RBBP8NL: variants seen among roughly 807,000 people sequenced by gnomAD.
RBBP8NL encodes RBBP8 N-terminal like, also known as RBBP8 N-terminal-like protein.
In RBBP8NL, 59 loss-of-function variants were observed where a neutral mutation model predicts 62.2. The ratio of observed to expected loss-of-function variants is 0.95; its 90% confidence interval spans 0.77 to 1.18. The LOEUF (loss-of-function observed/expected upper bound fraction) is 1.18. Among genes scored for constraint, RBBP8NL ranks in the 50% most tolerant of loss-of-function variants. RBBP8NL has a pLI of 0.00. For missense variants in RBBP8NL, 896 were observed against 899.5 expected (o/e 1.00, Z 0.05); for synonymous variants, 412 against 394.1 (o/e 1.05, Z -0.54).
At chr20:62,421,261 C>CGT (rs11469557) in intron 1 of RBBP8NL, among the ~76,000 whole-genome samples, 1 of 136,324 alleles carries the variant, frequency 7.3e-6, no homozygotes, top group African/African-American at 2.8e-5. Context: ...ATGTGTGTGC[C>CGT]GTGTGTGTGC....
At chr20:62,419,512 A>G (rs1322382007) in intron 2 of RBBP8NL, 75 bp downstream of exon 2, 4 of 1,480,392 alleles carry the variant, frequency 2.7e-6, no homozygotes, top group Non-Finnish European at 3.8e-6. Flanking sequence ...ATGGGTGCAC[A>G]GTGGCCTGCT....
intron 11 of RBBP8NL, among the ~76,000 whole-genome samples, 173 bp from the exon 12 acceptor site, chr20:62,413,073 C>T (rs982696422): frequency 6.6e-6 from 1 of 152,276 alleles, no homozygotes; most frequent in Non-Finnish European, 1.5e-5. Flanking sequence ...GGTTTGGGCC[C>T]AGGCCTAGTG....
At chr20:62,420,350 GCACACACA>G (rs55946617) in intron 1 of RBBP8NL, among the ~76,000 whole-genome samples, 4,409 of 129,796 alleles carry the variant, frequency 0.034, 185 homozygotes, top group African/African-American at 0.11. Context: ...TGTCCCACAG[GCACACACA>G]CACACACACA....
intron 5 of RBBP8NL, 36 bp downstream of exon 5, chr20:62,416,724 G>T (rs1283936581): frequency 6.8e-7 from 1 of 1,470,638 alleles, no homozygotes; most frequent in Non-Finnish European, 9.3e-7. Context: ...TGGCCCCGTG[G>T]GAGAGGACCC....
At chr20:62,420,208 C>T (rs569924093) in intron 1 of RBBP8NL, among the ~76,000 whole-genome samples, 2 of 152,200 alleles carry the variant, frequency 1.3e-5, no homozygotes, top group East Asian at 3.9e-4. Context: ...CCCCACAGAC[C>T]CTACCATGCC....
intron 10 of RBBP8NL, 44 bp downstream of exon 10, chr20:62,413,777 G>A (rs1416517738): frequency 1.3e-6 from 2 of 1,537,562 alleles, no homozygotes; most frequent in Non-Finnish European, 1.8e-6. Context: ...GGTGGGGGAC[G>A]TGGAGGCTGA....
rs762790428 is a variant in RBBP8NL at position 62,413,974 on chromosome 20, G to A, written c.1377C>T (p.Ala459=). 238 of 1,570,376 alleles carry A rather than the reference G, an allele frequency of 1.5e-4. No homozygotes were observed. Among genetic ancestry groups the A allele is most frequent in the Non-Finnish European group, 1.9e-4 (219 of 1,159,362 alleles). The change falls in exon 10 of 14, where the codon GCC becomes GCT. Residue 459 remains alanine (A), a synonymous_variant. Transcript: ENST00000252998. The stretch of plus-strand genomic sequence containing the variant: ...CAGGGCTGAGTGACCCATGCTGGCC[G>A]GCCGGCTTGGGAGTGTCCTGGCCCC... ...RARGQDTPKP[A]GQHGSLSPAA...
chr20:62,412,979 G>T, intron 11 of RBBP8NL, 79 bp from the exon 12 acceptor site: 3 of 1,503,936 alleles, frequency 2.0e-6, no homozygotes, highest in Non-Finnish European at 1.8e-6. Context: ...AGGATGGGTG[G>T]AGCCAACTCT....
At chr20:62,413,356 GA>G in intron 11 of RBBP8NL, 44 bp downstream of exon 11, 1 of 1,380,542 alleles carries the variant, frequency 7.2e-7, no homozygotes. Flanking sequence ...TCTCCGTGGG[GA>G]AAACACCTCC....
intron 1 of RBBP8NL, among the ~76,000 whole-genome samples, chr20:62,425,411 C>T (rs926146059): frequency 4.6e-5 from 7 of 152,326 alleles, no homozygotes; most frequent in South Asian, 2.1e-4. Context: ...CTGCTCACTA[C>T]GGACTCCAAT....
Position 62,419,587 on chromosome 20 carries a change from C to G in RBBP8NL, c.61G>C (p.Gly21Arg). 1 of 1,613,588 alleles carries G rather than the reference C, an allele frequency of 6.2e-7. No individual in the cohort carries two copies. Among genetic ancestry groups the G allele is most frequent in the Non-Finnish European group, 8.5e-7 (1 of 1,179,916 alleles). Residue 21 changes from glycine to arginine, a missense_variant and splice_region_variant, in exon 2 of 14, where the codon GGC (glycine) becomes CGC (arginine). Gly to Arg is a moderately radical substitution (Grantham distance 125, BLOSUM62 -2). Coordinates refer to ENST00000252998, the MANE Select transcript of RBBP8NL (RefSeq NM_080833.3). ...CTGGCATCTGTCCCTGGCCCCTCAC[C>G]CAGGACTTCCTTCTCGTGGATCTCC... ...LKEIHEKEVL[G>R]LQNKLLELNS... is the part of the protein sequence containing the mutation.
intron 8 of RBBP8NL, 127 bp from the exon 9 acceptor site, chr20:62,415,414 C>A: frequency 7.3e-7 from 1 of 1,371,290 alleles, no homozygotes; most frequent in Non-Finnish European, 9.9e-7. Flanking sequence ...AGCTGCACCC[C>A]CACCCACGCC....
rs749591643 is a variant in RBBP8NL, at chr20:62,413,838, C to T, written c.1513G>A (p.Glu505Lys). 25 of 1,597,764 alleles carry T rather than the reference C, an allele frequency of 1.6e-5. No homozygotes were observed. The highest frequency in any genetic ancestry group is 5.7e-5 in the South Asian group (5 of 88,466). Reference sequence around the variant, plus strand: ...CTCCTTACCATGGGAGTGGAAGCCTCCTCCTGCTCTGGCACTCTGGTCCCC... The same window carrying T: ...CTCCTTACCATGGGAGTGGAAGCCTTCTCCTGCTCTGGCACTCTGGTCCCC... ...TKGTRVPEQE[E>K]ASTPMDPSRP... The change falls in exon 10 of 14, where the codon GAG (glutamate) becomes AAG (lysine). Residue 505 changes from glutamate to lysine, a missense_variant. Coordinates refer to ENST00000252998, the MANE Select transcript of RBBP8NL (RefSeq NM_080833.3).
chr20:62,413,331 G>T, intron 11 of RBBP8NL, 70 bp downstream of exon 11: 1 of 1,370,938 alleles, frequency 7.3e-7, no homozygotes, highest in South Asian at 1.9e-5. Context: ...GGTGGGCACT[G>T]ACCACCACCC....
At position 62,413,805 on chromosome 20, in the gene RBBP8NL, G is replaced by T; in HGVS notation, c.1530+16C>A. 6.3e-7 allele frequency: 1 copy of T among 1,582,248 alleles called. No individual in the cohort carries two copies. Among genetic ancestry groups the T allele is most frequent in the South Asian group, 1.2e-5 (1 of 85,724 alleles). On this transcript the variant is annotated intron_variant, in intron 10 of 13. Transcript: ENST00000252998. ...GAGGCTGAGGACCGGGTCTGAGCCA[G>T]GACCGGGCTCCTTACCATGGGAGTG...
intron 3 of RBBP8NL, among the ~76,000 whole-genome samples, 168 bp from the exon 4 acceptor site, chr20:62,417,487 CGT>C (rs1988597854): frequency 1.3e-5 from 2 of 148,540 alleles, no homozygotes; most frequent in African/African-American, 5.0e-5. Context: ...TCCTCTGTGA[CGT>C]CTGTCCCGTC....
chr20:62,426,949 G>A (rs971764400), intron 1 of RBBP8NL, among the ~76,000 whole-genome samples: 8 of 152,156 alleles, frequency 5.3e-5, no homozygotes, highest in Admixed American at 1.3e-4. Context: ...GGCCTGGCCC[G>A]TGGGGGAGGG....
rs367742783 is a variant in RBBP8NL at position 62,417,206 on chromosome 20, G to C, written c.200+18C>G. 3.2e-6 allele frequency: 5 copies of C among 1,576,180 alleles called. No individual in the cohort carries two copies. The highest frequency in any genetic ancestry group is 4.3e-6 in the Non-Finnish European group (5 of 1,156,582). The stretch of plus-strand genomic sequence containing the variant: ...CCACCGGTCCTGGCCATGCTGCGAG[G>C]TGTCCTCCCAGGCCCACCTGTTCTC... On this transcript the variant is annotated intron_variant, in intron 4 of 13. Transcript: ENST00000252998.
intron 13 of RBBP8NL, among the ~76,000 whole-genome samples, 157 bp downstream of exon 13, chr20:62,412,467 G>A (rs1988454869): frequency 6.6e-6 from 1 of 152,192 alleles, no homozygotes. Context: ...GCCCTCCTCT[G>A]TGGGGTTCAT....
Sources: gnomAD v4.1 joint callset for allele counts (sites outside exome capture counted in the v4.1 genomes callset) on GRCh38, gnomAD v4.1.1 for gene constraint, MANE v1.5 for transcripts, NCBI Gene and HGNC (gene_info 2026-07-23, HGNC 2026-07-21) for gene names.